CYTIP: variants seen among roughly 807,000 people sequenced by gnomAD.
The protein encoded by CYTIP is cytohesin 1 interacting protein.
CYTIP carries 26 observed loss-of-function variants against 43.8 expected under a neutral mutation model. That is an observed-to-expected ratio of 0.59 (90% confidence interval 0.44 to 0.82). The LOEUF is 0.82. CYTIP is among the 40% of genes least tolerant of loss of function. The pLI, the probability that CYTIP is intolerant of heterozygous loss-of-function variation, is 0.00. For missense variants in CYTIP, 426 were observed against 443.1 expected (o/e 0.96, Z 0.35); for synonymous variants, 162 against 162.9 (o/e 0.99, Z 0.04).
At chr2:157,418,660 C>A (rs1186981365) in intron 6 of CYTIP, 71 bp from the exon 7 acceptor site, 2 of 1,369,628 alleles carry the variant, frequency 1.5e-6, no homozygotes, top group Non-Finnish European at 9.9e-7. Flanking sequence ...CAATTTAATT[C>A]TAGGTGTTGA....
intron 6 of CYTIP, among the ~76,000 whole-genome samples, chr2:157,425,182 C>T (rs1247672773): frequency 1.3e-5 from 2 of 152,038 alleles, no homozygotes; most frequent in East Asian, 1.9e-4. Flanking sequence ...ATTCAAAGTG[C>T]TAAGGGAGCT....
intron 5 of CYTIP, among the ~76,000 whole-genome samples, chr2:157,427,993 C>G (rs1685639288): frequency 6.6e-6 from 1 of 152,180 alleles, no homozygotes; most frequent in South Asian, 2.1e-4. Flanking sequence ...AACAGAAGTA[C>G]AACTACTATG....
intron 1 of CYTIP, chr2:157,439,290 A>C (rs1298396962): frequency 6.6e-6 from 1 of 152,450 alleles, no homozygotes; most frequent in African/African-American, 2.4e-5. Context: ...AAATTCTCTG[A>C]CACGTGCCAC....
At position 157,434,253 on chromosome 2, in the gene CYTIP, A is replaced by G. The variant is rs377346043; in HGVS notation, c.279+117T>C. ...ACCCCCAAACAGCCACACACTGAAT[A>G]AAAGTCATAGGCTCCATCATTCTCT... On this transcript the variant is annotated intron_variant, in intron 3 of 7. Coordinates refer to ENST00000264192, the MANE Select transcript of CYTIP (RefSeq NM_004288.5). The G allele has an allele frequency of 2.6e-5, 22 of 849,438 alleles. No individual in the cohort carries two copies. The African/African-American group carries it at 3.2e-4, about 12-fold the overall frequency. The allele number at this position is 849,438 out of a possible 1,614,324, so 52.6% of individuals were successfully genotyped here.
At chr2:157,424,103 T>C (rs1292850295) in intron 6 of CYTIP, among the ~76,000 whole-genome samples, 1 of 152,190 alleles carries the variant, frequency 6.6e-6, no homozygotes, top group Non-Finnish European at 1.5e-5. Context: ...TTCATTGTTG[T>C]ATGGTAGCGC....
chr2:157,420,576 G>A (rs1685506788), intron 6 of CYTIP, among the ~76,000 whole-genome samples: 1 of 148,474 alleles, frequency 6.7e-6, no homozygotes. Flanking sequence ...ACTTAAGCCT[G>A]GGAGGTTGAG....
chr2:157,432,641 G>A (rs1423437539), intron 3 of CYTIP, among the ~76,000 whole-genome samples: 1 of 152,166 alleles, frequency 6.6e-6, no homozygotes, highest in African/African-American at 2.4e-5. Context: ...ATTCTGATAA[G>A]CAGCATAAAA....
rs1685890598 is a variant in CYTIP at position 157,440,630 on chromosome 2, G to C, written c.174+3217C>G. On this transcript the variant is annotated intron_variant, in intron 1 of 7. Transcript: ENST00000264192. The stretch of plus-strand genomic sequence containing the variant: ...CCAGCAGTGTACACATCCCAGAGCA[G>C]AGCACACATTCCCTATCTGAACTTA... 2.0e-5 allele frequency among the ~76,000 whole-genome samples: 3 copies of C among 152,154 alleles called. 1 individual carries two copies. In the South Asian group the frequency reaches 6.2e-4, roughly 32 times the overall value.
intron 3 of CYTIP, 149 bp downstream of exon 3, chr2:157,434,220 GA>G: frequency 1.4e-6 from 1 of 708,000 alleles, no homozygotes. Context: ...TCAACACACT[GA>G]AAAACTACCC....
intron 1 of CYTIP, chr2:157,439,018 T>C: frequency 3.2e-6 from 1 of 312,692 alleles, no homozygotes; most frequent in Non-Finnish European, 7.3e-6. Context: ...CTGAAGCCTC[T>C]ATAGATATTT....
chr2:157,429,247 T>A (rs1685660201), intron 5 of CYTIP, among the ~76,000 whole-genome samples: 1 of 152,222 alleles, frequency 6.6e-6, no homozygotes, highest in Admixed American at 6.5e-5. Flanking sequence ...CTCTTTCCCT[T>A]GTACATGCCA....
At chr2:157,420,873 G>C (rs1197135834) in intron 6 of CYTIP, among the ~76,000 whole-genome samples, 1 of 152,138 alleles carries the variant, frequency 6.6e-6, no homozygotes, top group African/African-American at 2.4e-5. Flanking sequence ...TAGGTCAACA[G>C]TAAAAACTAG....
At chr2:157,423,203 A>G (rs988441988) in intron 6 of CYTIP, among the ~76,000 whole-genome samples, 1 of 152,128 alleles carries the variant, frequency 6.6e-6, no homozygotes, top group East Asian at 1.9e-4. Context: ...GGACAAAAGA[A>G]TATCTTAAAG....
At chr2:157,434,543 A>G in intron 2 of CYTIP, 119 bp from the exon 3 acceptor site, 1 of 940,764 alleles carries the variant, frequency 1.1e-6, no homozygotes, top group South Asian at 1.4e-5. Flanking sequence ...TGTAAATTGT[A>G]GTATGTAAGA....
intron 1 of CYTIP, among the ~76,000 whole-genome samples, chr2:157,439,782 C>T (rs1378031107): frequency 6.6e-6 from 1 of 152,170 alleles, no homozygotes; most frequent in African/African-American, 2.4e-5. Context: ...TACACTGATA[C>T]CTAGGGTTGG....
intron 6 of CYTIP, among the ~76,000 whole-genome samples, chr2:157,426,841 C>T (rs80326193): frequency 0.011 from 1,679 of 152,216 alleles, 32 homozygotes; most frequent in African/African-American, 0.038. Flanking sequence ...ATCTCTTGGA[C>T]GCTAATTTCT....
At position 157,434,018 on chromosome 2, in the gene CYTIP, A is replaced by G. The variant is rs546085427; in HGVS notation, c.279+352T>C. ...ATACACAGTATAACAATATGATTAT[A>G]CAAAACACATGCAAATATATCAAGT... On this transcript the variant is annotated intron_variant, in intron 3 of 7. Transcript: ENST00000264192. 163 of 289,508 alleles carry G rather than the reference A, an allele frequency of 5.6e-4. 2 individuals carry two copies. Among genetic ancestry groups the G allele is most frequent in the Middle Eastern group, 1.1e-3 (1 of 932 alleles). 17.9% of individuals were successfully genotyped at this position (289,508 alleles called of 1,614,324 possible).
At chr2:157,440,202 A>G (rs1001218448) in intron 1 of CYTIP, among the ~76,000 whole-genome samples, 5 of 152,120 alleles carry the variant, frequency 3.3e-5, no homozygotes, top group African/African-American at 4.8e-5. Flanking sequence ...TCACTCCCCA[A>G]TTCTTCCATG....
At chr2:157,432,693 T>A (rs1685732533) in intron 3 of CYTIP, among the ~76,000 whole-genome samples, 1 of 152,194 alleles carries the variant, frequency 6.6e-6, no homozygotes, top group African/African-American at 2.4e-5. Context: ...TCTTCCAAAG[T>A]GTCATTCCTC....
Sources: allele counts gnomAD v4.1 joint callset (sites outside exome capture counted in the v4.1 genomes callset), GRCh38; gene constraint gnomAD v4.1.1; transcripts MANE v1.5; gene names NCBI Gene and HGNC (gene_info 2026-07-23, HGNC 2026-07-21).